The following DST variants were observed in gnomAD, a reference collection of about 807,000 sequenced individuals.
DST encodes dystonin.
DST carries 253 observed loss-of-function variants against 875.2 expected under a neutral mutation model. The observed-to-expected ratio is 0.29, with a 90% CI of 0.26 to 0.32. DST has a LOEUF of 0.32. Among genes scored for constraint, DST ranks in the 10% least tolerant of loss-of-function variants. The pLI, the probability that DST is intolerant of heterozygous loss-of-function variation, is 1.00. For synonymous variants in DST, 3,124 were observed against 3,197.1 expected, an observed-to-expected ratio of 0.98 and a Z score of 0.77; for missense variants, 8,287 against 9,111.6, an observed-to-expected ratio of 0.91 and a Z score of 3.68.
At chr6:56,519,985 TG>T (rs927372592) in intron 69 of DST, among the ~76,000 whole-genome samples, 14 of 152,114 alleles carry the variant, frequency 9.2e-5, no homozygotes, top group African/African-American at 3.1e-4. Flanking sequence ...TGTTCACAGT[TG>T]AAACAAATGA....
At chr6:56,482,915 C>G in intron 88 of DST, 38 bp from the exon 89 acceptor site, 1 of 1,432,618 alleles carries the variant, frequency 7.0e-7, no homozygotes, top group Non-Finnish European at 9.3e-7. Flanking sequence ...ATTTTAATTA[C>G]AAAACCAAAA....
intron 58 of DST, among the ~76,000 whole-genome samples, chr6:56,558,623 C>T (rs1229282474): frequency 6.6e-6 from 1 of 151,976 alleles, no homozygotes; most frequent in African/African-American, 2.4e-5. Context: ...ATACAATTTC[C>T]CTAAAAAAAA....
At chr6:56,763,645 C>G (rs919550346) in intron 4 of DST, among the ~76,000 whole-genome samples, 2 of 146,142 alleles carry the variant, frequency 1.4e-5, no homozygotes, top group Admixed American at 1.4e-4. Flanking sequence ...GCGCTCCAGC[C>G]GACAGAACGA....
At chr6:56,489,743 G>A in intron 85 of DST, 134 bp from the exon 86 acceptor site, 1 of 858,938 alleles carries the variant, frequency 1.2e-6, no homozygotes, top group Non-Finnish European at 1.6e-6. Flanking sequence ...CACTGAAGAA[G>A]AAAAAAGTAA....
chr6:56,521,160 A>ACT, intron 69 of DST, among the ~76,000 whole-genome samples: 1 of 152,222 alleles, frequency 6.6e-6, no homozygotes, highest in East Asian at 1.9e-4. Flanking sequence ...AAAAGAAGTG[A>ACT]AAGTTAGTCT....
At position 56,644,398 on chromosome 6, in the gene DST, T is replaced by A. The variant is rs147527068; in HGVS notation, c.1778+1468A>T. Among the ~76,000 whole-genome samples the A allele has an allele frequency of 5.9e-3, 893 of 152,336 alleles. 4 individuals carry two copies. The highest frequency in any genetic ancestry group is 0.021 in the African/African-American group (853 of 41,576). On this transcript the variant is annotated intron_variant, in intron 15 of 103. Transcript: ENST00000680361. The stretch of plus-strand genomic sequence containing the variant: ...CTCATATATTTATTTTATGCATTAT[T>A]TCACAACGTTGAATCCTGAAGTCAA...
At chr6:56,549,650 A>C (rs1370365536) in intron 61 of DST, among the ~76,000 whole-genome samples, 4 of 152,156 alleles carry the variant, frequency 2.6e-5, no homozygotes, top group African/African-American at 9.7e-5. Flanking sequence ...ATATCACGGC[A>C]CCTACATAAC....
At position 56,552,932 on chromosome 6, in the gene DST, C is replaced by T; in HGVS notation, c.15860G>A (p.Arg5287Lys). ...EFQEVSKESK[R>K]QLQCAKEQLD... is the part of the protein sequence containing the mutation. ...CTGCTCCTTTGCACACTGAAGCTGC[C>T]TTTTAGATTCTTTGGAAACTTCTTG... The change falls in exon 61 of 104, where the codon AGG becomes AAG. Residue 5287 changes from arginine to lysine, a missense_variant. Around this residue, in one of 10 missense-constraint regions of DST, gnomAD observed 1,513 missense variants for 1,677.8 expected, o/e 0.90. Transcript: ENST00000680361. 8 of 1,613,988 alleles carry T rather than the reference C, an allele frequency of 5.0e-6. No individual in the cohort carries two copies. The highest frequency in any genetic ancestry group is 1.1e-5 in the South Asian group (1 of 91,082).
At chr6:56,545,635 T>C (rs12205016) in intron 61 of DST, among the ~76,000 whole-genome samples, 8,119 of 152,292 alleles carry the variant, frequency 0.053, 310 homozygotes, top group Non-Finnish European at 0.085. Flanking sequence ...AGAAAAGTTT[T>C]ATCATTCACA....
Position 56,552,876 on chromosome 6 carries a change from C to G in DST, c.15916G>C (p.Ala5306Pro). Residue 5306 changes from alanine to proline, a missense_variant, in exon 61 of 104, where the codon GCT becomes CCT. Transcript: ENST00000680361. The stretch of plus-strand genomic sequence containing the variant: ...ATGGTCAGGTATTTGTTACTGTAAG[C>G]CTGGGATCCCAGCGAATCATGGATA... The part of the protein sequence containing the change: ...LDIHDSLGSQ[A>P]YSNKYLTMLQ... 6.2e-7 allele frequency: 1 copy of G among 1,613,926 alleles called. No individual in the cohort carries two copies. The highest frequency in any genetic ancestry group is 8.5e-7 in the Non-Finnish European group (1 of 1,179,872).
rs745945210 is a variant in DST at position 56,573,853 on chromosome 6, C to T, written c.13062G>A (p.Lys4354=). The change falls in exon 51 of 104, where the codon AAG becomes AAA. Residue 4354 remains lysine, a synonymous_variant. Transcript: ENST00000680361. ...GTTTTTCATTTCGTTCATTAACAGA[C>T]TTGGACAGATCCTCATATCTCCCAA... The part of the protein sequence containing the change: ...DIVGRYEDLS[K]SVNERNEKLQ... 5 of 1,613,252 alleles carry T rather than the reference C, an allele frequency of 3.1e-6. No individual in the cohort carries two copies. The African/African-American group carries it at 4.0e-5, about 13-fold the overall frequency.
intron 10 of DST, among the ~76,000 whole-genome samples, chr6:56,652,563 T>G (rs1188172114): frequency 6.6e-6 from 1 of 152,228 alleles, no homozygotes; most frequent in African/African-American, 2.4e-5. Flanking sequence ...TGTATACTAC[T>G]TGGCAGGCTG....
intron 39 of DST, among the ~76,000 whole-genome samples, chr6:56,610,111 T>C (rs1396776877): frequency 6.6e-6 from 1 of 152,166 alleles, no homozygotes; most frequent in Non-Finnish European, 1.5e-5. Context: ...CAGGCTCTTT[T>C]ATAGCCTATA....
At chr6:56,851,905 T>A (rs1765478571) in intron 3 of DST, 1 of 1,546,250 alleles carries the variant, frequency 6.5e-7, no homozygotes, top group African/African-American at 1.4e-5. Flanking sequence ...CACAAATGAC[T>A]GGCCCAACAA....
At chr6:56,686,750 C>T (rs2099189908) in intron 9 of DST, among the ~76,000 whole-genome samples, 1 of 152,120 alleles carries the variant, frequency 6.6e-6, no homozygotes, top group Admixed American at 6.5e-5. Context: ...AAAGAAGTGT[C>T]CCGTTAAAAG....
intron 3 of DST, among the ~76,000 whole-genome samples, chr6:56,888,372 C>A (rs938701590): frequency 2.6e-5 from 4 of 152,172 alleles, no homozygotes; most frequent in Admixed American, 2.6e-4. Flanking sequence ...AGATAATTAG[C>A]AAAAGAAATT....
chr6:56,620,248 A>C, intron 36 of DST: 1 of 1,613,854 alleles, frequency 6.2e-7, no homozygotes, highest in Non-Finnish European at 8.5e-7. Context: ...AATCATTGAG[A>C]CTTAAATCTT....
Position 56,639,737 on chromosome 6 carries a change from C to G in DST, c.2656G>C (p.Glu886Gln), listed in dbSNP as rs2098869584. The G allele has an allele frequency of 6.2e-7, 1 of 1,613,488 alleles. No homozygotes were observed. The change falls in exon 20 of 104, where the codon GAA becomes CAA. Residue 886 changes from glutamate to glutamine, a missense_variant. This residue lies in a region of DST where 1,160 missense variants were observed against 1,424.3 expected (regional missense o/e 0.81). Transcript: ENST00000680361. ...TGACTCTCTAATCTGTGCAACTTTT[C>G]TGCATAAGTCAGTTTAAGAGGTGCT... ...MTAPLKLTYAEKLHRLESQYA... is the reference protein window; with the variant it reads ...MTAPLKLTYAQKLHRLESQYA...
At chr6:56,664,402 G>A (rs532218253) in intron 10 of DST, among the ~76,000 whole-genome samples, 2 of 152,238 alleles carry the variant, frequency 1.3e-5, no homozygotes, top group South Asian at 2.1e-4. Context: ...GTGATGCCTC[G>A]GCAAACCCTT....
Sources: allele counts gnomAD v4.1 joint callset (sites outside exome capture counted in the v4.1 genomes callset), GRCh38; gene constraint gnomAD v4.1.1; regional missense constraint gnomAD v4.1.1; transcripts MANE v1.5; gene names NCBI Gene and HGNC (gene_info 2026-07-23, HGNC 2026-07-21).